SVOPL: variants seen among roughly 807,000 people sequenced by gnomAD.
The protein encoded by SVOPL is SVOP like, also known as putative transporter SVOPL.
Under a neutral mutation model 61.0 loss-of-function variants are expected in SVOPL, and 60 were observed. The ratio of observed to expected loss-of-function variants is 0.98; its 90% CI spans 0.80 to 1.22. The LOEUF is 1.22. Among genes scored for constraint, SVOPL ranks in the 50% most tolerant of loss-of-function variants. The pLI, the probability that SVOPL is intolerant of heterozygous loss-of-function variation, is 0.00. For synonymous variants in SVOPL, 279 were observed against 250.0 expected, an observed-to-expected ratio of 1.12 and a Z score of -1.09; for missense variants, 662 against 643.9, an observed-to-expected ratio of 1.03 and a Z score of -0.30.
At chr7:138,689,081 G>A in intron 1 of SVOPL, 1 of 738,326 alleles carries the variant, frequency 1.4e-6, no homozygotes, top group Non-Finnish European at 2.5e-6. Context: ...ACACTTCCCA[G>A]GTCATCAAGG....
chr7:138,620,827 C>G (rs922407563), intron 14 of SVOPL, among the ~76,000 whole-genome samples: 3 of 152,192 alleles, frequency 2.0e-5, no homozygotes, highest in African/African-American at 7.2e-5. Flanking sequence ...AAACCCTGAA[C>G]GCAATGCAAT....
chr7:138,594,507 A>T lies in SVOPL; in HGVS notation c.*103T>A. On this transcript the variant is annotated 3_prime_UTR_variant, in exon 16 of 16. Coordinates refer to ENST00000674285, the MANE Select transcript of SVOPL (RefSeq NM_001139456.2). ...TAAAAAAAAAATCACTTTACTAATT[A>T]CCGAGTAGCATACAGAAGTAAAACC... 9.4e-7 allele frequency: 1 copy of T among 1,059,078 alleles called. No homozygotes were observed. 65.6% of individuals were successfully genotyped at this position (1,059,078 alleles called of 1,614,324 possible). A position where few individuals can be genotyped will look rare whatever the true frequency, so the allele number is the denominator to read the frequency against.
chr7:138,642,287 C>CAAAAAAAAAAAAAAAAAACAA, intron 9 of SVOPL, among the ~76,000 whole-genome samples: 1 of 111,672 alleles, frequency 9.0e-6, no homozygotes, highest in Non-Finnish European at 1.8e-5. Flanking sequence ...GGAAATTAGC[C>CAAAAAAAAAAAAAAAAAACAA]AAAAAAAAAA....
intron 14 of SVOPL, among the ~76,000 whole-genome samples, chr7:138,614,820 G>A (rs779553546): frequency 3.9e-5 from 6 of 152,170 alleles, no homozygotes; most frequent in African/African-American, 9.7e-5. Flanking sequence ...AGTTTTGCTC[G>A]AGTCACAAAT....
At chr7:138,648,820 G>A (rs1309122373) in intron 8 of SVOPL, among the ~76,000 whole-genome samples, 192 bp downstream of exon 8, 4 of 151,800 alleles carry the variant, frequency 2.6e-5, no homozygotes, top group Non-Finnish European at 5.9e-5. Context: ...TACTCGGGAG[G>A]CTGAGGCAGG....
intron 7 of SVOPL, among the ~76,000 whole-genome samples, chr7:138,653,932 C>CAAAAAAAA (rs34826230): frequency 7.5e-6 from 1 of 132,642 alleles, no homozygotes. Context: ...GACTCTGTCT[C>CAAAAAAAA]AAAAAAAAAA....
chr7:138,659,781 G>C (rs1194279876), intron 6 of SVOPL, 83 bp downstream of exon 6: 5 of 1,292,134 alleles, frequency 3.9e-6, no homozygotes. Flanking sequence ...CAATGCTTTT[G>C]GTCTATTAAG....
At chr7:138,693,385 C>T (rs1426886689) in intron 1 of SVOPL, among the ~76,000 whole-genome samples, 1 of 151,406 alleles carries the variant, frequency 6.6e-6, no homozygotes, top group African/African-American at 2.4e-5. Flanking sequence ...TGGGCATGGT[C>T]CCAGCTACTT....
At chr7:138,670,063 C>T (rs1000044598) in intron 4 of SVOPL, among the ~76,000 whole-genome samples, 1 of 152,162 alleles carries the variant, frequency 6.6e-6, no homozygotes, top group African/African-American at 2.4e-5. Context: ...ACCACAGCCC[C>T]TTTGAAACCA....
At chr7:138,596,920 C>A in intron 14 of SVOPL, 1 of 1,087,516 alleles carries the variant, frequency 9.2e-7, no homozygotes, top group Non-Finnish European at 1.1e-6. Flanking sequence ...GCCAAATATC[C>A]ATTATCTCTT....
Position 138,629,125 on chromosome 7 carries a change from A to ATG in SVOPL, c.864-763_864-762insCA, listed in dbSNP as rs1159184418. 7.8e-4 allele frequency among the ~76,000 whole-genome samples: 50 copies of ATG among 64,252 alleles called. 1 individual carries two copies. Among genetic ancestry groups the ATG allele is most frequent in the Middle Eastern group, 8.3e-3 (1 of 120 alleles). 42.2% of individuals were successfully genotyped at this position (64,252 alleles called of 152,430 possible). On this transcript the variant is annotated intron_variant, in intron 10 of 15. Coordinates refer to ENST00000674285, the MANE Select transcript of SVOPL (RefSeq NM_001139456.2). ...TGTCTAATATATAAGCATGTTTTAT[A>ATG]TATGTGTGTGTGTGTGTGTGTGTGT...
intron 14 of SVOPL, 119 bp from the exon 15 acceptor site, chr7:138,596,649 C>A: frequency 7.0e-7 from 1 of 1,429,636 alleles, no homozygotes. Context: ...AGCCATTCTA[C>A]AGGTTGTACC....
chr7:138,652,208 C>T (rs928526114), intron 7 of SVOPL, among the ~76,000 whole-genome samples: 1 of 152,072 alleles, frequency 6.6e-6, no homozygotes, highest in Non-Finnish European at 1.5e-5. Flanking sequence ...CCTGGCACCA[C>T]ACCAAGCTAA....
At chr7:138,663,462 T>A (rs1248091868) in intron 4 of SVOPL, 43 of 1,193,912 alleles carry the variant, frequency 3.6e-5, no homozygotes, top group Non-Finnish European at 4.4e-5. Context: ...CTGTAATTTT[T>A]AAAATTGTCT....
rs181755666 is a variant in SVOPL at position 138,604,944 on chromosome 7, A to C, written c.1354-8414T>G. Among the ~76,000 whole-genome samples the C allele has an allele frequency of 2.0e-3, 303 of 151,682 alleles. 1 individual carries two copies. Among genetic ancestry groups the C allele is most frequent in the Non-Finnish European group, 3.2e-3 (214 of 67,848 alleles). On this transcript the variant is annotated intron_variant, in intron 14 of 15. Transcript: ENST00000674285. ...AAGAATGTGAAAGAAGGTTGGGTGT[A>C]GTGGTGCATAACTGTAATCCCAGCA...
intron 14 of SVOPL, among the ~76,000 whole-genome samples, chr7:138,603,489 G>A (rs1798614976): frequency 6.6e-6 from 1 of 152,128 alleles, no homozygotes; most frequent in Admixed American, 6.6e-5. Flanking sequence ...TTTGAGACCA[G>A]CCTGGCCAAC....
At chr7:138,621,870 C>G (rs867495339) in intron 13 of SVOPL, among the ~76,000 whole-genome samples, 5,166 of 22,576 alleles carry the variant, frequency 0.23, 401 homozygotes, top group African/African-American at 0.33. Flanking sequence ...ATCTATCTAT[C>G]TATCTATCTA....
chr7:138,675,411 T>A (rs1367185192), intron 3 of SVOPL, among the ~76,000 whole-genome samples: 3 of 152,126 alleles, frequency 2.0e-5, no homozygotes, highest in Non-Finnish European at 2.9e-5. Context: ...TAGAGTACAG[T>A]GGCGCGATCT....
intron 14 of SVOPL, among the ~76,000 whole-genome samples, chr7:138,616,459 C>A (rs1799307503): frequency 6.6e-6 from 1 of 151,990 alleles, no homozygotes; most frequent in Non-Finnish European, 1.5e-5. Flanking sequence ...GCCTGAGCCT[C>A]CCGAATAGCT....
Sources: allele counts gnomAD v4.1 joint callset (sites outside exome capture counted in the v4.1 genomes callset), GRCh38; gene constraint gnomAD v4.1.1; transcripts MANE v1.5; gene names NCBI Gene and HGNC (gene_info 2026-07-23, HGNC 2026-07-21).